Variants in FRMD4A observed in about 807,000 individuals in gnomAD.
FRMD4A encodes FERM domain-containing protein 4A.
In FRMD4A, 29 loss-of-function variants were observed where a neutral mutation model predicts 129.1. The observed-to-expected ratio is 0.22, with a 90% confidence interval of 0.17 to 0.31. The LOEUF (loss-of-function observed/expected upper bound fraction) is 0.31. Ranked by LOEUF, FRMD4A falls within the 10% of genes least tolerant of loss-of-function variation. The probability of loss-of-function intolerance (pLI) is 1.00; values close to 1 mark genes in which losing one functional copy is unlikely to be tolerated. For missense variants in FRMD4A, 1,272 were observed against 1,375.8 expected, an observed-to-expected ratio of 0.92 and a Z score of 1.19; for synonymous variants, 634 against 571.6, an observed-to-expected ratio of 1.11 and a Z score of -1.56.
chr10:14,299,183 C>T (rs756463773), intron 2 of FRMD4A, among the ~76,000 whole-genome samples: 4 of 152,130 alleles, frequency 2.6e-5, no homozygotes, highest in Non-Finnish European at 5.9e-5. Flanking sequence ...CTAAGGATAT[C>T]CCATTCTCTT....
At chr10:13,806,534 C>T (rs1049602470) in intron 4 of FRMD4A, among the ~76,000 whole-genome samples, 1 of 152,150 alleles carries the variant, frequency 6.6e-6, no homozygotes, top group Admixed American at 6.6e-5. Context: ...TGAGTCGTTG[C>T]TAGACCCCAA....
intron 12 of FRMD4A, among the ~76,000 whole-genome samples, chr10:13,720,237 C>T (rs912029781): frequency 2.6e-5 from 4 of 152,096 alleles, no homozygotes; most frequent in East Asian, 1.9e-4. Context: ...TTAGTAGAGA[C>T]GGGGTTTCAC....
chr10:13,906,456 G>A (rs1644167605), intron 2 of FRMD4A, among the ~76,000 whole-genome samples: 1 of 152,130 alleles, frequency 6.6e-6, no homozygotes, highest in African/African-American at 2.4e-5. Context: ...CCTACTCATA[G>A]GCATGCTATG....
chr10:14,254,033 G>T (rs556013649), intron 2 of FRMD4A, among the ~76,000 whole-genome samples: 1 of 152,258 alleles, frequency 6.6e-6, no homozygotes, highest in South Asian at 2.1e-4. Context: ...AGTTTCCTCT[G>T]TTGGCTTCTG....
intron 2 of FRMD4A, among the ~76,000 whole-genome samples, chr10:14,179,984 A>C (rs1225173365): frequency 6.6e-6 from 1 of 152,232 alleles, no homozygotes; most frequent in African/African-American, 2.4e-5. Flanking sequence ...CGGTGAGCTG[A>C]GATTGTGCCA....
At chr10:13,815,511 A>G (rs1588876669) in intron 3 of FRMD4A, among the ~76,000 whole-genome samples, 1 of 152,182 alleles carries the variant, frequency 6.6e-6, no homozygotes. Context: ...ATTTGATGCC[A>G]CTGAATTGCA....
intron 12 of FRMD4A, among the ~76,000 whole-genome samples, chr10:13,709,896 A>C (rs2087841959): frequency 6.6e-6 from 1 of 151,848 alleles, no homozygotes; most frequent in Admixed American, 6.6e-5. Flanking sequence ...TAAAAAATTA[A>C]TTTCCATAGG....
At chr10:14,220,784 G>A (rs911030535) in intron 2 of FRMD4A, among the ~76,000 whole-genome samples, 15 of 132,160 alleles carry the variant, frequency 1.1e-4, no homozygotes, top group Non-Finnish European at 1.9e-4. Context: ...GCTGAGTTGC[G>A]TGTGTGTGTG....
intron 2 of FRMD4A, among the ~76,000 whole-genome samples, chr10:14,123,663 G>T (rs1304669272): frequency 6.6e-6 from 1 of 152,170 alleles, no homozygotes; most frequent in Non-Finnish European, 1.5e-5. Flanking sequence ...ACATATACTA[G>T]AAGTCTCATT....
intron 2 of FRMD4A, among the ~76,000 whole-genome samples, chr10:14,255,602 C>A (rs894404145): frequency 7.2e-5 from 11 of 152,160 alleles, no homozygotes; most frequent in African/African-American, 2.7e-4. Flanking sequence ...GAGAATTAAG[C>A]TATGGCGGAA....
intron 5 of FRMD4A, among the ~76,000 whole-genome samples, chr10:13,794,975 C>T (rs561415967): frequency 5.9e-5 from 9 of 152,300 alleles, no homozygotes; most frequent in East Asian, 3.9e-4. Context: ...CCACCACCAA[C>T]GTCAAGGTGC....
rs77170291 is a variant in FRMD4A at position 13,711,698 on chromosome 10, C to T, written c.760-4585G>A. ...ATTAAATCAAGGGGTTTCTAGTGCACGTCACTTAAGCATCTTTAAAAAGCC... is the reference window on the plus strand; with the variant it reads ...ATTAAATCAAGGGGTTTCTAGTGCATGTCACTTAAGCATCTTTAAAAAGCC... On this transcript the variant is annotated intron_variant, in intron 12 of 24. Transcript: ENST00000357447. Among the ~76,000 whole-genome samples the T allele has an allele frequency of 5.8e-3, 879 of 152,320 alleles. 11 individuals carry two copies. Among genetic ancestry groups the T allele is most frequent in the African/African-American group, 0.02 (841 of 41,564 alleles).
At chr10:13,714,035 T>TATATGAAATATATATAATATATA (rs2088469098) in intron 12 of FRMD4A, among the ~76,000 whole-genome samples, 1 of 46,554 alleles carries the variant, frequency 2.1e-5, no homozygotes, top group African/African-American at 7.4e-5. Context: ...TACATATATA[T>TATATGAAATATATATAATATATA]ATATATATAT....
intron 2 of FRMD4A, among the ~76,000 whole-genome samples, chr10:14,089,633 A>C (rs1564280285): frequency 7.0e-6 from 1 of 143,014 alleles, no homozygotes; most frequent in Non-Finnish European, 1.5e-5. Context: ...AAAAAAACAA[A>C]AAAAAACAAA....
intron 2 of FRMD4A, among the ~76,000 whole-genome samples, chr10:13,993,439 C>A (rs2095610682): frequency 6.6e-6 from 1 of 152,188 alleles, no homozygotes; most frequent in Non-Finnish European, 1.5e-5. Flanking sequence ...AGTCAGCCAC[C>A]TTGATCATAA....
At chr10:14,238,610 C>G (rs534069037) in intron 2 of FRMD4A, among the ~76,000 whole-genome samples, 1 of 152,230 alleles carries the variant, frequency 6.6e-6, no homozygotes, top group East Asian at 1.9e-4. Context: ...TGGTTTGCTG[C>G]ACCCATCAAC....
intron 2 of FRMD4A, among the ~76,000 whole-genome samples, chr10:14,098,279 A>G (rs1407637890): frequency 6.6e-6 from 1 of 151,292 alleles, no homozygotes; most frequent in East Asian, 1.9e-4. Flanking sequence ...GTACATTTCC[A>G]TTACAGTTGT....
At chr10:13,913,726 T>C (rs540219964) in intron 2 of FRMD4A, among the ~76,000 whole-genome samples, 3 of 152,090 alleles carry the variant, frequency 2.0e-5, no homozygotes, top group Non-Finnish European at 4.4e-5. Context: ...CCTTAGTAAA[T>C]GGGGTATCCT....
rs764725298 is a variant in FRMD4A, at chr10:14,100,025, A to G, written c.45+230033T>C. Among the ~76,000 whole-genome samples, 6 of 152,322 alleles carry G rather than the reference A, an allele frequency of 3.9e-5. No individual in the cohort carries two copies. The East Asian group carries it at 1.2e-3, about 29-fold the overall frequency. On this transcript the variant is annotated intron_variant, in intron 2 of 24. Transcript: ENST00000357447. ...GCCATTTATACAAACACTGGGGTACAGCACAGATCTCTGGTTTTCACCCCC... is the reference window on the plus strand; with the variant it reads ...GCCATTTATACAAACACTGGGGTACGGCACAGATCTCTGGTTTTCACCCCC...
Sources: allele counts gnomAD v4.1 joint callset (sites outside exome capture counted in the v4.1 genomes callset), GRCh38; gene constraint gnomAD v4.1.1; transcripts MANE v1.5; gene names NCBI Gene and HGNC (gene_info 2026-07-23, HGNC 2026-07-21).